Variants in CNTN4 observed in about 807,000 individuals in gnomAD.
CNTN4 encodes contactin 4, also known as contactin-4.
A neutral mutation model predicts 122.5 loss-of-function variants in CNTN4; 77 were observed. The observed-to-expected ratio is 0.63, with a 90% confidence interval of 0.52 to 0.76. CNTN4 has a LOEUF of 0.76. Among genes scored for constraint, CNTN4 ranks in the 30% least tolerant of loss-of-function variants. The pLI is 0.00. For synonymous variants in CNTN4, 512 were observed against 447.0 expected, an observed-to-expected ratio of 1.15 and a Z score of -1.83; for missense variants, 1,256 against 1,259.1, an observed-to-expected ratio of 1.00 and a Z score of 0.04.
At position 2,554,540 on chromosome 3, in the gene CNTN4, GA is replaced by G. The variant is rs1019086227; in HGVS notation, c.-88-16867del. 6.6e-5 allele frequency among the ~76,000 whole-genome samples: 10 copies of G among 151,266 alleles called. No homozygotes were observed. In the East Asian group the frequency reaches 1.4e-3, roughly 21 times the overall value. ...ACTTTTAAATTAAAGCTTGAGAACA[GA>G]AAAAAAAATTACTGAAAATTGAGGA... is the stretch of plus-strand genomic sequence containing the variant. On this transcript the variant is annotated intron_variant, in intron 3 of 24. Coordinates refer to ENST00000418658, the MANE Select transcript of CNTN4 (RefSeq NM_175607.3).
intron 13 of CNTN4, 22 bp from the exon 14 acceptor site, chr3:2,988,323 G>T: frequency 6.2e-7 from 1 of 1,612,000 alleles, no homozygotes; most frequent in Non-Finnish European, 8.5e-7. Context: ...CACCATTTTT[G>T]GTTCATTTAC....
intron 13 of CNTN4, among the ~76,000 whole-genome samples, chr3:2,949,303 T>G (rs1384236839): frequency 2.0e-5 from 3 of 152,140 alleles, no homozygotes; most frequent in African/African-American, 7.2e-5. Context: ...ACGAGTGTGA[T>G]GGAAAGTTAG....
rs77452939 is a variant in CNTN4, at chr3:2,761,874, C to T, written c.358+16177C>T. ...CTGTCAAGAACTTGTTAATTCTCCT[C>T]TATGTTTGAATAATCAAGTACCTTT... is the stretch of plus-strand genomic sequence containing the variant. On this transcript the variant is annotated intron_variant, in intron 6 of 24. Transcript: ENST00000418658. Among the ~76,000 whole-genome samples the T allele has an allele frequency of 5.4e-3, 819 of 152,228 alleles. 7 individuals carry two copies. The highest frequency in any genetic ancestry group is 8.7e-3 in the Non-Finnish European group (593 of 68,018).
chr3:2,738,538 A>G lies in CNTN4; in HGVS notation c.182+2197A>G, dbSNP rs547875553. Among the ~76,000 whole-genome samples the G allele has an allele frequency of 1.2e-4, 18 of 152,334 alleles. 2 individuals carry two copies. Among genetic ancestry groups the G allele is most frequent in the South Asian group, 6.2e-4 (3 of 4,834 alleles). ...TAGAAGAGCTGAGCTACAAGAATAA[A>G]TAAGTAAAGCAAATGGTAAATGTTA... On this transcript the variant is annotated intron_variant, in intron 5 of 24. Transcript: ENST00000418658.
At chr3:2,907,986 G>C (rs1480155712) in intron 12 of CNTN4, among the ~76,000 whole-genome samples, 1 of 152,186 alleles carries the variant, frequency 6.6e-6, no homozygotes, top group Non-Finnish European at 1.5e-5. Context: ...ACAATTGGCA[G>C]TTTATTTTTT....
chr3:2,322,642 C>T (rs2043311374), intron 2 of CNTN4, among the ~76,000 whole-genome samples: 1 of 152,114 alleles, frequency 6.6e-6, no homozygotes, highest in African/African-American at 2.4e-5. Context: ...TACTTAATGC[C>T]ACTGAATTGT....
At chr3:3,003,691 AAAAAAAAAAAAAAAAAAAAAAAAC>A (rs1559775856) in intron 14 of CNTN4, among the ~76,000 whole-genome samples, 1 of 141,898 alleles carries the variant, frequency 7.0e-6, no homozygotes, top group Non-Finnish European at 1.5e-5. Context: ...CACCAAAAAA[AAAAAAAAAAAAAAAAAAAAAAAAC>A]AAAAAAACCC....
At chr3:2,972,110 A>G (rs1014584772) in intron 13 of CNTN4, among the ~76,000 whole-genome samples, 1 of 152,138 alleles carries the variant, frequency 6.6e-6, no homozygotes, top group African/African-American at 2.4e-5. Context: ...AGACCTCCTG[A>G]TGTTTTATAT....
At chr3:2,911,218 G>T (rs193130716) in intron 12 of CNTN4, among the ~76,000 whole-genome samples, 1 of 152,208 alleles carries the variant, frequency 6.6e-6, no homozygotes, top group African/African-American at 2.4e-5. Context: ...ACATGGCTTG[G>T]TCTGGTATCA....
intron 4 of CNTN4, among the ~76,000 whole-genome samples, chr3:2,576,118 A>G (rs2079670041): frequency 6.6e-6 from 1 of 152,150 alleles, no homozygotes; most frequent in African/African-American, 2.4e-5. Flanking sequence ...TACAGGCGTG[A>G]GCCACCACGC....
At chr3:2,923,053 G>A (rs922803234) in intron 12 of CNTN4, among the ~76,000 whole-genome samples, 1 of 152,168 alleles carries the variant, frequency 6.6e-6, no homozygotes, top group Non-Finnish European at 1.5e-5. Context: ...GTTTCTGTGT[G>A]TCTGATATGC....
rs1355817120 is a variant in CNTN4, at chr3:3,014,046, GTACACACACA to G, written c.1487-12055_1487-12046del. ...TTTATTGAGGAACAGACATTTAAAT[GTACACACACA>G]CACACACACACACACACACACACAC... On this transcript the variant is annotated intron_variant, in intron 14 of 24. Coordinates refer to ENST00000418658, the MANE Select transcript of CNTN4 (RefSeq NM_175607.3). 8.0e-5 allele frequency among the ~76,000 whole-genome samples: 7 copies of G among 87,812 alleles called. No individual in the cohort carries two copies. The East Asian group carries it at 2.4e-3, about 31-fold the overall frequency. 57.6% of individuals were successfully genotyped at this position (87,812 alleles called of 152,430 possible). A position where few individuals can be genotyped will look rare whatever the true frequency, so the allele number is the denominator to read the frequency against.
chr3:2,175,828 T>G (rs992166829), intron 2 of CNTN4, among the ~76,000 whole-genome samples: 8 of 152,108 alleles, frequency 5.3e-5, no homozygotes, highest in African/African-American at 1.9e-4. Context: ...GGACTAAAGC[T>G]AAAAGGCAGA....
chr3:2,755,909 C>T (rs971782017), intron 6 of CNTN4, among the ~76,000 whole-genome samples: 1 of 152,128 alleles, frequency 6.6e-6, no homozygotes, highest in African/African-American at 2.4e-5. Flanking sequence ...TAAAATATCA[C>T]TCCTTTTTGT....
At chr3:2,344,278 A>ATTTT (rs4057746) in intron 3 of CNTN4, among the ~76,000 whole-genome samples, 1 of 145,936 alleles carries the variant, frequency 6.9e-6, no homozygotes, top group Non-Finnish European at 1.5e-5. Flanking sequence ...GCCAGGTCAA[A>ATTTT]TTTTTTTTTT....
At chr3:2,749,463 A>G (rs1436883474) in intron 6 of CNTN4, among the ~76,000 whole-genome samples, 3 of 151,816 alleles carry the variant, frequency 2.0e-5, no homozygotes, top group African/African-American at 7.3e-5. Flanking sequence ...TGCCCAGCTC[A>G]TTTACCAGAA....
intron 2 of CNTN4, among the ~76,000 whole-genome samples, chr3:2,171,511 G>A (rs1312469308): frequency 6.6e-6 from 1 of 152,142 alleles, no homozygotes; most frequent in Non-Finnish European, 1.5e-5. Flanking sequence ...TGAAATATTT[G>A]AATGGTGAAC....
intron 7 of CNTN4, among the ~76,000 whole-genome samples, chr3:2,824,121 C>T (rs111964887): frequency 0.017 from 2,606 of 150,038 alleles, 54 homozygotes; most frequent in African/African-American, 0.061. Context: ...AAGCATATTC[C>T]GATTCCATAA....
In CNTN4 at chr3:3,056,784, T is replaced by G. The variant is rs1701827836; in HGVS notation, c.*564T>G. 1 of 153,214 alleles carries G rather than the reference T, an allele frequency of 6.5e-6. No homozygotes were observed. Among genetic ancestry groups the G allele is most frequent in the Non-Finnish European group, 1.5e-5 (1 of 68,420 alleles). 9.5% of individuals were successfully genotyped at this position (153,214 alleles called of 1,614,324 possible). A position where few individuals can be genotyped will look rare whatever the true frequency, so the allele number is the denominator to read the frequency against. ...GTTAATGCACTTGACATGTACAGTA[T>G]GTTTCCCATGCCGTTGTGATTTTGA... is the stretch of plus-strand genomic sequence containing the variant. On this transcript the variant is annotated 3_prime_UTR_variant, in exon 25 of 25. Transcript: ENST00000418658.
Sources: allele counts gnomAD v4.1 joint callset (sites outside exome capture counted in the v4.1 genomes callset), GRCh38; gene constraint gnomAD v4.1.1; transcripts MANE v1.5; gene names NCBI Gene and HGNC (gene_info 2026-07-23, HGNC 2026-07-21).